INTS9: variants seen among roughly 807,000 people sequenced by gnomAD.
INTS9 encodes the protein protein related to CPSF subunits of 74 kDa.
INTS9 carries 55 observed loss-of-function variants against 79.7 expected under a neutral mutation model. The ratio of observed to expected loss-of-function variants is 0.69; its 90% CI spans 0.56 to 0.86. The LOEUF is 0.86. Ranked by LOEUF, INTS9 falls within the 40% of genes least tolerant of loss-of-function variation. INTS9 has a pLI of 0.00. For missense variants in INTS9, 721 were observed against 831.5 expected, an observed-to-expected ratio of 0.87 and a Z score of 1.64; for synonymous variants, 319 against 325.2, an observed-to-expected ratio of 0.98 and a Z score of 0.20.
chr8:28,889,245 A>G (rs1417782937), intron 1 of INTS9, among the ~76,000 whole-genome samples: 1 of 152,194 alleles, frequency 6.6e-6, no homozygotes, highest in African/African-American at 2.4e-5. Flanking sequence ...CTTCAGGTAT[A>G]CCGAGCACGC....
chr8:28,865,677 G>A (rs1453780598), intron 1 of INTS9, among the ~76,000 whole-genome samples: 1 of 152,130 alleles, frequency 6.6e-6, no homozygotes, highest in South Asian at 2.1e-4. Flanking sequence ...TCTAGGTGGT[G>A]TTTTAAGCTG....
In INTS9 at chr8:28,813,533, C is replaced by T. The variant is rs1467403448; in HGVS notation, c.568G>A (p.Ala190Thr). Reference protein sequence around the residue: ...RCYTMQEVNSALSKIQLVGYS... With the variant: ...RCYTMQEVNSTLSKIQLVGYS... ...CCCACCAGCTGGATTTTACTAAGGG[C>T]AGAGTTCACCTCTTGCATTGTATAG... The change falls in exon 7 of 17, where the codon GCC becomes ACC. Residue 190 changes from alanine (A) to threonine (T), a missense_variant. This residue lies in a region of INTS9 where 291 missense variants were observed against 307.0 expected (regional missense o/e 0.95). Transcript: ENST00000521022. 17 of 1,613,722 alleles carry T rather than the reference C, an allele frequency of 1.1e-5. No homozygotes were observed. Among genetic ancestry groups the T allele is most frequent in the Non-Finnish European group, 1.3e-5 (15 of 1,179,668 alleles).
intron 1 of INTS9, among the ~76,000 whole-genome samples, chr8:28,864,641 C>A (rs1046409539): frequency 6.6e-6 from 1 of 151,956 alleles, no homozygotes; most frequent in Admixed American, 6.6e-5. Context: ...ATACTAATTT[C>A]TTTTTTCTTT....
At chr8:28,821,833 A>C (rs991880536) in intron 6 of INTS9, among the ~76,000 whole-genome samples, 2 of 151,554 alleles carry the variant, frequency 1.3e-5, no homozygotes, top group Non-Finnish European at 2.9e-5. Context: ...GCAGTGGCAT[A>C]ATCACAGCTC....
chr8:28,870,844 T>C (rs1163765968), intron 1 of INTS9, among the ~76,000 whole-genome samples: 2 of 152,190 alleles, frequency 1.3e-5, no homozygotes, highest in African/African-American at 4.8e-5. Flanking sequence ...GAGGAGAGCA[T>C]GCCTAGTTTC....
At chr8:28,815,557 G>T (rs190395959) in intron 6 of INTS9, among the ~76,000 whole-genome samples, 1 of 152,222 alleles carries the variant, frequency 6.6e-6, no homozygotes, top group East Asian at 1.9e-4. Flanking sequence ...TTTTGGATTT[G>T]GGATGCTCAA....
At chr8:28,812,222 A>G in intron 8 of INTS9, 105 bp downstream of exon 8, 1 of 1,166,772 alleles carries the variant, frequency 8.6e-7, no homozygotes, top group Non-Finnish European at 1.2e-6. Context: ...TCTGTAGAAA[A>G]CCATATTTGG....
chr8:28,835,295 T>C lies in INTS9; in HGVS notation c.485A>G (p.Gln162Arg), dbSNP rs1806741497. 3.1e-6 allele frequency: 5 copies of C among 1,612,284 alleles called. No homozygotes were observed. Among genetic ancestry groups the C allele is most frequent in the Non-Finnish European group, 4.2e-6 (5 of 1,178,436 alleles). ...AAGAGAGTGGTCTGTTCCTCACCTC[T>C]GAATGTCCTTATTCTTCCACAAGGA... ...SASLWKNKDI[Q>R]RLLPSPLKDA... The change falls in exon 6 of 17, where the codon CAG becomes CGG. Residue 162 changes from glutamine to arginine, a missense_variant. This residue lies in a region of INTS9 where 291 missense variants were observed against 307.0 expected (regional missense o/e 0.95). Transcript: ENST00000521022.
intron 1 of INTS9, 67 bp downstream of exon 1, chr8:28,889,807 A>AG: frequency 6.3e-7 from 1 of 1,589,688 alleles, no homozygotes; most frequent in Non-Finnish European, 8.6e-7. Context: ...TGCCCAACGT[A>AG]GGAAAAAAAG....
intron 2 of INTS9, among the ~76,000 whole-genome samples, chr8:28,859,062 C>G (rs1007122752): frequency 6.6e-6 from 1 of 152,176 alleles, no homozygotes; most frequent in African/African-American, 2.4e-5. Flanking sequence ...AAATGTCAGA[C>G]TCTATGCTGT....
intron 14 of INTS9, among the ~76,000 whole-genome samples, chr8:28,772,987 T>G (rs1802637848): frequency 6.6e-6 from 1 of 152,202 alleles, no homozygotes; most frequent in African/African-American, 2.4e-5. Context: ...GTCACACTCA[T>G]TCTAGAGGAC....
At chr8:28,795,923 T>A (rs1268894049) in intron 9 of INTS9, among the ~76,000 whole-genome samples, 5 of 152,218 alleles carry the variant, frequency 3.3e-5, no homozygotes, top group Non-Finnish European at 5.9e-5. Flanking sequence ...AAAATAAATT[T>A]CTTCCAGGTA....
At position 28,793,860 on chromosome 8, in the gene INTS9, G is replaced by A. The variant is rs755466448; in HGVS notation, c.984C>T (p.Phe328=). The A allele has an allele frequency of 5.6e-6, 9 of 1,613,822 alleles. No individual in the cohort carries two copies. In the East Asian group the frequency reaches 1.8e-4, roughly 32 times the overall value. Reference sequence around the variant, plus strand: ...GTGAACTGTTGGCCACAGGGGAGATGAAGTAGAGGGGGACGCTGGAAAGCC... The same window carrying A: ...GTGAACTGTTGGCCACAGGGGAGATAAAGTAGAGGGGGACGCTGGAAAGCC... The part of the protein sequence containing the change: ...SAGLSSVPLY[F]ISPVANSSLE... The change falls in exon 10 of 17, where the codon TTC becomes TTT. Residue 328 remains phenylalanine, a synonymous_variant. Coordinates refer to ENST00000521022, the MANE Select transcript of INTS9 (RefSeq NM_018250.4).
At chr8:28,795,812 G>A (rs1804185603) in intron 9 of INTS9, among the ~76,000 whole-genome samples, 1 of 152,166 alleles carries the variant, frequency 6.6e-6, no homozygotes. Context: ...AATGTCTGCA[G>A]TATTTTGTTA....
At chr8:28,799,140 C>T (rs899961828) in intron 8 of INTS9, among the ~76,000 whole-genome samples, 1 of 152,096 alleles carries the variant, frequency 6.6e-6, no homozygotes, top group Non-Finnish European at 1.5e-5. Context: ...ACTAAAAATA[C>T]AAATAATTAG....
At chr8:28,772,724 G>A (rs184563494) in intron 14 of INTS9, among the ~76,000 whole-genome samples, 9 of 151,620 alleles carry the variant, frequency 5.9e-5, no homozygotes, top group Admixed American at 1.3e-4. Flanking sequence ...GGAGAATGGC[G>A]TGAACTCAGG....
intron 4 of INTS9, among the ~76,000 whole-genome samples, chr8:28,843,596 G>A (rs1807321624): frequency 6.6e-6 from 1 of 152,098 alleles, no homozygotes; most frequent in South Asian, 2.1e-4. Context: ...TAGTAGACTT[G>A]CACCCACATA....
intron 1 of INTS9, among the ~76,000 whole-genome samples, chr8:28,868,317 C>A (rs776970195): frequency 2.0e-5 from 3 of 152,164 alleles, no homozygotes; most frequent in Non-Finnish European, 4.4e-5. Flanking sequence ...TGAGAAGATT[C>A]TCTTACTGTA....
chr8:28,813,792 C>CAAAAA, intron 6 of INTS9, 180 bp from the exon 7 acceptor site: 1 of 610,998 alleles, frequency 1.6e-6, no homozygotes, highest in Non-Finnish European at 2.7e-6. Context: ...GACAGAGTCT[C>CAAAAA]ACTGTGTCAC....
Sources: allele counts gnomAD v4.1 joint callset (sites outside exome capture counted in the v4.1 genomes callset), GRCh38; gene constraint gnomAD v4.1.1; regional missense constraint gnomAD v4.1.1; transcripts MANE v1.5; gene names NCBI Gene and HGNC (gene_info 2026-07-23, HGNC 2026-07-21).